MDGA2: variants seen among roughly 807,000 people sequenced by gnomAD.
MDGA2 encodes the protein MAM domain containing glycosylphosphatidylinositol anchor 2, also known as MAM domain-containing glycosylphosphatidylinositol anchor protein 2.
MDGA2 carries 40 observed loss-of-function variants against 117.8 expected under a neutral mutation model. The ratio of observed to expected loss-of-function variants is 0.34; its 90% CI spans 0.26 to 0.44. MDGA2 has a LOEUF of 0.44. Ranked by LOEUF, MDGA2 falls within the 20% of genes least tolerant of loss-of-function variation. MDGA2 has a pLI of 1.00. For synonymous variants in MDGA2, 452 were observed against 439.0 expected, an observed-to-expected ratio of 1.03 and a Z score of -0.37; for missense variants, 1,123 against 1,250.6, an observed-to-expected ratio of 0.90 and a Z score of 1.54.
intron 2 of MDGA2, among the ~76,000 whole-genome samples, chr14:47,241,556 T>C (rs1055547859): frequency 2.0e-5 from 3 of 151,958 alleles, no homozygotes; most frequent in Admixed American, 6.6e-5. Flanking sequence ...AAAGGTGTTT[T>C]CTTTAATTAA....
chr14:47,135,201 G>T (rs1051120215), intron 4 of MDGA2, among the ~76,000 whole-genome samples: 3 of 151,750 alleles, frequency 2.0e-5, no homozygotes, highest in African/African-American at 4.8e-5. Context: ...ACAGCTCCTC[G>T]TATATAGGCA....
At chr14:47,095,168 A>T (rs1467948190) in intron 6 of MDGA2, among the ~76,000 whole-genome samples, 3 of 152,028 alleles carry the variant, frequency 2.0e-5, no homozygotes, top group Non-Finnish European at 4.4e-5. Context: ...AATAAAGAGC[A>T]CATTTCATTG....
At chr14:47,289,271 T>G (rs1187684978) in intron 2 of MDGA2, among the ~76,000 whole-genome samples, 1 of 148,178 alleles carries the variant, frequency 6.7e-6, no homozygotes, top group South Asian at 2.1e-4. Context: ...ATAATAGGGG[T>G]GGATATAACA....
intron 1 of MDGA2, among the ~76,000 whole-genome samples, chr14:47,315,452 C>T (rs111316023): frequency 2.6e-4 from 40 of 152,208 alleles, no homozygotes; most frequent in African/African-American, 8.7e-4. Context: ...AAGTGACTTT[C>T]TTGGCAGGGT....
At chr14:47,510,629 C>T (rs1223856672) in intron 1 of MDGA2, among the ~76,000 whole-genome samples, 2 of 152,136 alleles carry the variant, frequency 1.3e-5, no homozygotes, top group Non-Finnish European at 2.9e-5. Flanking sequence ...CCCTTTTCTT[C>T]CTGAAATGGA....
intron 1 of MDGA2, among the ~76,000 whole-genome samples, chr14:47,574,235 T>C (rs57633442): frequency 0.032 from 4,824 of 152,184 alleles, 264 homozygotes; most frequent in African/African-American, 0.11. Context: ...TGTGGCCCTA[T>C]CCATATCACA....
At chr14:46,970,849 T>A (rs899457547) in intron 8 of MDGA2, among the ~76,000 whole-genome samples, 13 of 151,934 alleles carry the variant, frequency 8.6e-5, no homozygotes, top group Admixed American at 5.9e-4. Context: ...AATAATTTTT[T>A]AAAAATCTCA....
chr14:47,653,833 G>A (rs1594964995), intron 1 of MDGA2, among the ~76,000 whole-genome samples: 1 of 152,092 alleles, frequency 6.6e-6, no homozygotes, highest in Admixed American at 6.6e-5. Flanking sequence ...TTTGGAGATG[G>A]AACAAACAGG....
intron 1 of MDGA2, among the ~76,000 whole-genome samples, chr14:47,540,563 T>TATACATATACATACAC (rs370481455): frequency 2.7e-5 from 3 of 112,516 alleles, no homozygotes; most frequent in African/African-American, 8.8e-5. Context: ...TGTATATATA[T>TATACATATACATACAC]ACACACACAC....
At chr14:46,961,960 T>C (rs553024027) in intron 8 of MDGA2, among the ~76,000 whole-genome samples, 1 of 152,132 alleles carries the variant, frequency 6.6e-6, no homozygotes, top group Non-Finnish European at 1.5e-5. Context: ...ATAATTTCAA[T>C]TGAAGTTTTG....
intron 9 of MDGA2, among the ~76,000 whole-genome samples, chr14:46,955,100 G>A (rs1433154643): frequency 6.6e-6 from 1 of 151,956 alleles, no homozygotes; most frequent in Non-Finnish European, 1.5e-5. Context: ...GTTAAATATT[G>A]AGACATTTTG....
At chr14:47,176,430 A>G (rs1280225367) in intron 3 of MDGA2, among the ~76,000 whole-genome samples, 1 of 152,222 alleles carries the variant, frequency 6.6e-6, no homozygotes, top group Non-Finnish European at 1.5e-5. Flanking sequence ...CCAAAACAGC[A>G]TGGTACTGGT....
chr14:47,436,589 G>A (rs1892903619), intron 1 of MDGA2, among the ~76,000 whole-genome samples: 1 of 152,024 alleles, frequency 6.6e-6, no homozygotes, highest in Admixed American at 6.6e-5. Flanking sequence ...GTACCCTCTA[G>A]CCGAGGGGTG....
chr14:47,663,697 C>A (rs1897891434), intron 1 of MDGA2, among the ~76,000 whole-genome samples: 1 of 152,082 alleles, frequency 6.6e-6, no homozygotes, highest in African/African-American at 2.4e-5. Flanking sequence ...ACTTCTGGAT[C>A]AAAACTAGAA....
At chr14:47,379,165 C>T (rs926441634) in intron 1 of MDGA2, among the ~76,000 whole-genome samples, 18 of 152,156 alleles carry the variant, frequency 1.2e-4, no homozygotes, top group Non-Finnish European at 2.4e-4. Context: ...CAAGCAAATG[C>T]TGAGATTTTG....
intron 1 of MDGA2, among the ~76,000 whole-genome samples, chr14:47,553,172 T>C (rs1342021842): frequency 6.6e-6 from 1 of 152,264 alleles, no homozygotes; most frequent in Admixed American, 6.5e-5. Context: ...TATCATCTGA[T>C]GTACTGCATA....
intron 8 of MDGA2, among the ~76,000 whole-genome samples, chr14:47,020,137 GCGGATCT>G (rs56173012): frequency 0.45 from 68,929 of 151,878 alleles, 16,169 homozygotes; most frequent in East Asian, 0.79. Context: ...GAATGTAAAT[GCGGATCT>G]TCAATCTTTT....
chr14:46,943,166 T>C (rs73237238), intron 9 of MDGA2, among the ~76,000 whole-genome samples: 6,602 of 152,114 alleles, frequency 0.043, 467 homozygotes, highest in African/African-American at 0.15. Context: ...AATTACTCTA[T>C]CTTGAAGTCT....
chr14:46,845,362 T>C (rs538933441), intron 16 of MDGA2, among the ~76,000 whole-genome samples: 1 of 152,346 alleles, frequency 6.6e-6, no homozygotes, highest in African/African-American at 2.4e-5. Flanking sequence ...TTACCCAGTG[T>C]TGGGCAGTTC....
Sources: gnomAD v4.1 joint callset for allele counts (sites outside exome capture counted in the v4.1 genomes callset) on GRCh38, gnomAD v4.1.1 for gene constraint, MANE v1.5 for transcripts, NCBI Gene and HGNC (gene_info 2026-07-23, HGNC 2026-07-21) for gene names.